Variants in RPL27A observed in about 807,000 individuals in gnomAD.
RPL27A encodes large ribosomal subunit protein uL15.
For synonymous variants in RPL27A, 69 were observed against 68.3 expected, an observed-to-expected ratio of 1.01 and a Z score of -0.05; for missense variants, 118 against 189.4, an observed-to-expected ratio of 0.62 and a Z score of 2.21.
At position 8,687,565 on chromosome 11, in the gene RPL27A, T is replaced by C. The variant is rs1371606979; in HGVS notation, c.*1759T>C. 5 of 152,396 alleles carry C rather than the reference T, an allele frequency of 3.3e-5. No individual in the cohort carries two copies. In the East Asian group the frequency reaches 7.7e-4, roughly 23 times the overall value. The allele number at this position is 152,396 out of a possible 1,614,324, so 9.4% of individuals were successfully genotyped here. ...GACTTTTAGTCCTAATTTCCTCATC[T>C]TTAAAATTTCAGTGAAAGTGCCTAC... On this transcript the variant is annotated 3_prime_UTR_variant, in exon 5 of 5. Coordinates refer to ENST00000314138, the MANE Select transcript of RPL27A (RefSeq NM_000990.5).
chr11:8,684,793 C>A lies in RPL27A; in HGVS notation c.219C>A (p.Val73=). The change falls in exon 4 of 5, where the codon GTC becomes GTA. Residue 73 remains valine (V), a synonymous_variant. Transcript: ENST00000314138. ...LKRNQSFCPT[V]NLDKLWTLVS... is the part of the protein sequence containing the mutation. ...GGAACCAGAGCTTCTGCCCAACTGT[C>A]AACCTTGACAAATTGTGGACTTTGG... The A allele has an allele frequency of 4.3e-6, 7 of 1,613,870 alleles. No individual in the cohort carries two copies. The South Asian group carries it at 7.7e-5, about 18-fold the overall frequency.
Position 8,689,730 on chromosome 11 carries a change from T to C in RPL27A, c.*3924T>C, listed in dbSNP as rs746735072. 15 of 152,268 alleles carry C rather than the reference T, an allele frequency of 9.9e-5. No homozygotes were observed. Among genetic ancestry groups the C allele is most frequent in the Non-Finnish European group, 1.9e-4 (13 of 68,052 alleles). 9.4% of individuals were successfully genotyped at this position (152,268 alleles called of 1,614,324 possible). ...GTAAATTTAATTCCTGGCTCTATTT[T>C]ACATCCCAATTTTTATTTTCCTCTC... On this transcript the variant is annotated 3_prime_UTR_variant, in exon 5 of 5. Coordinates refer to ENST00000314138, the MANE Select transcript of RPL27A (RefSeq NM_000990.5).
At chr11:8,682,949 G>A (rs2039514099) in intron 1 of RPL27A, 133 bp downstream of exon 1, 1 of 1,291,474 alleles carries the variant, frequency 7.7e-7, no homozygotes, top group East Asian at 2.4e-5. Context: ...GCGGGGCAGG[G>A]TGGCCGGCGC....
intron 3 of RPL27A, chr11:8,684,513 T>G (rs2039565442): frequency 1.5e-6 from 1 of 672,214 alleles, no homozygotes; most frequent in Admixed American, 2.3e-5. Flanking sequence ...TTATCCTGGT[T>G]CCAGGAAATA....
chr11:8,685,938 T>TG lies in RPL27A; in HGVS notation c.*136dup. On this transcript the variant is annotated 3_prime_UTR_variant, in exon 5 of 5. Transcript: ENST00000314138. ...TTCTAGTACTTAGGGTATGAAGACA[T>TG]GGGGTCCTCTCCTGACTTCCCTCAA... 1.3e-6 allele frequency: 1 copy of TG among 791,504 alleles called. No individual in the cohort carries two copies. The highest frequency in any genetic ancestry group is 2.0e-6 in the Non-Finnish European group (1 of 500,438). The allele number at this position is 791,504 out of a possible 1,614,324, so 49.0% of individuals were successfully genotyped here. A position where few individuals can be genotyped will look rare whatever the true frequency, so the allele number is the denominator to read the frequency against.
chr11:8,686,692 C>CGA lies in RPL27A; in HGVS notation c.*887_*888insAG, dbSNP rs1221039010. The CGA allele has an allele frequency of 6.6e-6, 1 of 152,040 alleles. No individual in the cohort carries two copies. The highest frequency in any genetic ancestry group is 2.4e-5 in the African/African-American group (1 of 41,370). 9.4% of individuals were successfully genotyped at this position (152,040 alleles called of 1,614,324 possible). On this transcript the variant is annotated 3_prime_UTR_variant, in exon 5 of 5. Transcript: ENST00000314138. ...ATTTTTCTTCTAGTCTGAAATGTAT[C>CGA]GGGAAAATTTGGAAATCCTGAAGGC... is the stretch of plus-strand genomic sequence containing the variant.
rs1421107979 is a variant in RPL27A at position 8,689,642 on chromosome 11, C to G, written c.*3836C>G. On this transcript the variant is annotated 3_prime_UTR_variant, in exon 5 of 5. Transcript: ENST00000314138. ...AATAAATTTGTTTTGGAATGCATACCACATCATCTGGCTCTAGAAACGTAT... is the reference window on the plus strand; with the variant it reads ...AATAAATTTGTTTTGGAATGCATACGACATCATCTGGCTCTAGAAACGTAT... 1.3e-5 allele frequency: 2 copies of G among 152,130 alleles called. No individual in the cohort carries two copies. Among genetic ancestry groups the G allele is most frequent in the Non-Finnish European group, 2.9e-5 (2 of 68,032 alleles). 9.4% of individuals were successfully genotyped at this position (152,130 alleles called of 1,614,324 possible).
chr11:8,684,281 C>T, intron 3 of RPL27A, 200 bp downstream of exon 3: 1 of 758,348 alleles, frequency 1.3e-6, no homozygotes, highest in South Asian at 1.4e-5. Flanking sequence ...TGCTAGAGTC[C>T]TCGAAGAGTA....
In RPL27A at chr11:8,685,981, G is replaced by A; in HGVS notation, c.*175G>A. The A allele has an allele frequency of 1.7e-6, 1 of 602,502 alleles. No homozygotes were observed. Among genetic ancestry groups the A allele is most frequent in the Non-Finnish European group, 2.9e-6 (1 of 342,038 alleles). 37.3% of individuals were successfully genotyped at this position (602,502 alleles called of 1,614,324 possible). On this transcript the variant is annotated 3_prime_UTR_variant, in exon 5 of 5. Transcript: ENST00000314138. ...TCCCTCAAATATATGGTAAACGTAA[G>A]ACCAACACAGACGTTGGCCAGTTAA...
In RPL27A at chr11:8,685,794, C is replaced by G. The variant is rs540531238; in HGVS notation, c.435C>G (p.Val145=). The change falls in exon 5 of 5, where the codon GTC becomes GTG. Residue 145 remains valine, a synonymous_variant. Transcript: ENST00000314138. ...EKIKSVGGAC[V]LVA ...TTAAGAGTGTTGGGGGGGCCTGTGT[C>G]CTGGTGGCTTGAAGCCACATGGAGG... 2 of 1,613,844 alleles carry G rather than the reference C, an allele frequency of 1.2e-6. No homozygotes were observed. The highest frequency in any genetic ancestry group is 3.3e-5 in the Admixed American group (2 of 60,006).
In RPL27A at chr11:8,688,705, A is replaced by G. The variant is rs1407443597; in HGVS notation, c.*2899A>G. Reference sequence around the variant, plus strand: ...TGATTTTATGACAAATGGCTGCCACATAATTTGCACAAGCAGTGCTCGTCA... The same window carrying G: ...TGATTTTATGACAAATGGCTGCCACGTAATTTGCACAAGCAGTGCTCGTCA... On this transcript the variant is annotated 3_prime_UTR_variant, in exon 5 of 5. Coordinates refer to ENST00000314138, the MANE Select transcript of RPL27A (RefSeq NM_000990.5). The G allele has an allele frequency of 2.0e-5, 3 of 152,272 alleles. No individual in the cohort carries two copies. Among genetic ancestry groups the G allele is most frequent in the African/African-American group, 7.2e-5 (3 of 41,464 alleles). The allele number at this position is 152,272 out of a possible 1,614,324, so 9.4% of individuals were successfully genotyped here.
chr11:8,685,291 G>T, intron 4 of RPL27A: 5 of 472,596 alleles, frequency 1.1e-5, no homozygotes, highest in South Asian at 8.7e-5. Context: ...TGAATATAGA[G>T]GTAGTGTTAA....
chr11:8,682,944 G>T, intron 1 of RPL27A, 128 bp downstream of exon 1: 1 of 1,311,002 alleles, frequency 7.6e-7, no homozygotes, highest in Middle Eastern at 1.9e-4. Context: ...CGCCTGCGGG[G>T]CAGGGTGGCC....
At chr11:8,684,252 A>G (rs376975665) in intron 3 of RPL27A, 171 bp downstream of exon 3, 17 of 768,084 alleles carry the variant, frequency 2.2e-5, no homozygotes, top group Middle Eastern at 2.3e-4. Flanking sequence ...ACGCTTGGGT[A>G]TCGGCTATTG....
rs1440112008 is a variant in RPL27A, at chr11:8,689,452, T to A, written c.*3646T>A. 1 of 152,188 alleles carries A rather than the reference T, an allele frequency of 6.6e-6. No homozygotes were observed. Among genetic ancestry groups the A allele is most frequent in the Non-Finnish European group, 1.5e-5 (1 of 68,036 alleles). 9.4% of individuals were successfully genotyped at this position (152,188 alleles called of 1,614,324 possible). Reference sequence around the variant, plus strand: ...CGAAGTATGTTTTGGTGCAGTTTTTTGTTCAACCCAATGCGTATTTTCATA... The same window carrying A: ...CGAAGTATGTTTTGGTGCAGTTTTTAGTTCAACCCAATGCGTATTTTCATA... On this transcript the variant is annotated 3_prime_UTR_variant, in exon 5 of 5. Coordinates refer to ENST00000314138, the MANE Select transcript of RPL27A (RefSeq NM_000990.5).
intron 1 of RPL27A, 38 bp downstream of exon 1, chr11:8,682,854 C>T (rs2039510050): frequency 1.9e-6 from 3 of 1,603,180 alleles, no homozygotes; most frequent in African/African-American, 2.7e-5. Context: ...TCCTTGCCGG[C>T]GGAGACCCCT....
In RPL27A at chr11:8,686,241, CTT is replaced by C. The variant is rs1215295333; in HGVS notation, c.*448_*449del. ...AGGTTTTTCCACGTGGCCCCCTCATCTTTTTTTTTTTTTTAAACGGAGTCTCT... is the reference window on the plus strand; with the variant it reads ...AGGTTTTTCCACGTGGCCCCCTCATCTTTTTTTTTTTTAAACGGAGTCTCT... On this transcript the variant is annotated 3_prime_UTR_variant, in exon 5 of 5. Coordinates refer to ENST00000314138, the MANE Select transcript of RPL27A (RefSeq NM_000990.5). 4.0e-4 allele frequency: 59 copies of C among 146,166 alleles called. No individual in the cohort carries two copies. The highest frequency in any genetic ancestry group is 1.5e-3 in the South Asian group (7 of 4,688). The allele number at this position is 146,166 out of a possible 1,614,324, so 9.1% of individuals were successfully genotyped here. A position where few individuals can be genotyped will look rare whatever the true frequency, so the allele number is the denominator to read the frequency against.
chr11:8,683,187 G>A lies in RPL27A; in HGVS notation c.4-15G>A. The A allele has an allele frequency of 2.5e-6, 4 of 1,614,104 alleles. No homozygotes were observed. Among genetic ancestry groups the A allele is most frequent in the Non-Finnish European group, 3.4e-6 (4 of 1,179,912 alleles). On this transcript the variant is annotated splice_polypyrimidine_tract_variant and intron_variant, in intron 1 of 4. Coordinates refer to ENST00000314138, the MANE Select transcript of RPL27A (RefSeq NM_000990.5). ...CTAATTCCTTAGGCCTTACCACCAAGCTTTTTCCACACAGCCATCCAGACT... is the reference window on the plus strand; with the variant it reads ...CTAATTCCTTAGGCCTTACCACCAAACTTTTTCCACACAGCCATCCAGACT...
chr11:8,688,572 T>C lies in RPL27A; in HGVS notation c.*2766T>C, dbSNP rs559004767. 1 of 152,328 alleles carries C rather than the reference T, an allele frequency of 6.6e-6. No individual in the cohort carries two copies. The highest frequency in any genetic ancestry group is 2.4e-5 in the African/African-American group (1 of 41,578). 9.4% of individuals were successfully genotyped at this position (152,328 alleles called of 1,614,324 possible). A position where few individuals can be genotyped will look rare whatever the true frequency, so the allele number is the denominator to read the frequency against. On this transcript the variant is annotated 3_prime_UTR_variant, in exon 5 of 5. Transcript: ENST00000314138. ...TGTTCATGGAGGCTCATACTGGCGA[T>C]CTCTAGTGGCTGGCTAAAGCTTGAA...
Sources: gnomAD v4.1 joint callset for allele counts on GRCh38, gnomAD v4.1.1 for gene constraint, MANE v1.5 for transcripts, NCBI Gene and HGNC (gene_info 2026-07-23, HGNC 2026-07-21) for gene names.